ELP2: variants seen among roughly 807,000 people sequenced by gnomAD.
ELP2 encodes elongator complex protein 2.
A neutral mutation model predicts 119.2 loss-of-function variants in ELP2; 90 were observed. The ratio of observed to expected loss-of-function variants is 0.75; its 90% CI spans 0.64 to 0.90. The LOEUF (loss-of-function observed/expected upper bound fraction) is 0.90. ELP2 is among the 40% of genes least tolerant of loss of function. The probability of loss-of-function intolerance (pLI) is 0.00; values close to 1 mark genes in which losing one functional copy is unlikely to be tolerated. For synonymous variants in ELP2, 339 were observed against 331.0 expected (o/e 1.02, Z -0.26); for missense variants, 921 against 967.8 (o/e 0.95, Z 0.64).
intron 11 of ELP2, 103 bp downstream of exon 11, chr18:36,146,484 C>G (rs1785927): frequency 0.34 from 437,532 of 1,282,348 alleles, 78,185 homozygotes; most frequent in Admixed American, 0.38. Flanking sequence ...AGTAGAGGCA[C>G]TTGAAGTTCA....
chr18:36,145,978 T>A lies in ELP2; in HGVS notation c.923T>A (p.Leu308Ter), dbSNP rs761773865. Residue 308 changes from leucine (L) to a stop codon, truncating the protein, a stop_gained, in exon 10 of 22, where the codon TTA (leucine) becomes TAA (stop). Transcript: ENST00000358232. LOFTEE classifies it high-confidence loss of function. ...GTCCTACAGCAGCCAGTGAGATTAT[T>A]ATCTGCTTCCATGGATAAAACCATG... Reference protein sequence around the residue: ...DGVLQQPVRLLSASMDKTMIL... With the variant: ...DGVLQQPVRL 1 of 1,614,038 alleles carries A rather than the reference T, an allele frequency of 6.2e-7. No homozygotes were observed. The highest frequency in any genetic ancestry group is 1.1e-5 in the South Asian group (1 of 91,086).
intron 11 of ELP2, among the ~76,000 whole-genome samples, chr18:36,154,066 CTT>C (rs71166099): frequency 4.7e-4 from 55 of 115,858 alleles, no homozygotes; most frequent in Admixed American, 1.2e-3. Context: ...TTGTCACAGG[CTT>C]TTTTTTTTTT....
chr18:36,138,728 C>G, intron 4 of ELP2, 67 bp from the exon 5 acceptor site: 3 of 1,318,082 alleles, frequency 2.3e-6, no homozygotes, highest in Non-Finnish European at 3.3e-6. Flanking sequence ...ATGATGCTAT[C>G]CAACCTGTCT....
At chr18:36,169,912 C>T in intron 19 of ELP2, 151 bp from the exon 20 acceptor site, 1 of 1,004,690 alleles carries the variant, frequency 1.0e-6, no homozygotes, top group East Asian at 2.5e-5. Context: ...GAAATGCTCT[C>T]AAGTCCTGGC....
intron 21 of ELP2, 146 bp from the exon 22 acceptor site, chr18:36,174,339 A>G: frequency 1.3e-6 from 1 of 792,430 alleles, no homozygotes. Flanking sequence ...ATATAGTAAA[A>G]TATTTTCCAG....
Position 36,141,214 on chromosome 18 carries a change from A to C in ELP2, c.588+13A>C, listed in dbSNP as rs1260673609. ...ACAAAATGATCAGGTAATAATGTTTATATTAAGAGGCTGGAATTATATTCT... is the reference window on the plus strand; with the variant it reads ...ACAAAATGATCAGGTAATAATGTTTCTATTAAGAGGCTGGAATTATATTCT... On this transcript the variant is annotated intron_variant, in intron 6 of 21. Transcript: ENST00000358232. The C allele has an allele frequency of 1.3e-6, 2 of 1,592,136 alleles. No homozygotes were observed. Among genetic ancestry groups the C allele is most frequent in the Middle Eastern group, 1.7e-4 (1 of 6,024 alleles).
chr18:36,173,396 A>G (rs1293209834), intron 21 of ELP2, among the ~76,000 whole-genome samples: 3 of 152,234 alleles, frequency 2.0e-5, no homozygotes, highest in Admixed American at 1.3e-4. Context: ...CTTGCCATTT[A>G]TATCTATTAA....
chr18:36,146,873 ACTGT>A (rs1017644954), intron 11 of ELP2, among the ~76,000 whole-genome samples: 2 of 152,004 alleles, frequency 1.3e-5, no homozygotes, highest in Non-Finnish European at 2.9e-5. Flanking sequence ...TAGTCATGTA[ACTGT>A]CTCTCTACAG....
chr18:36,173,694 A>G (rs1329069407), intron 21 of ELP2, among the ~76,000 whole-genome samples: 2 of 152,214 alleles, frequency 1.3e-5, no homozygotes, highest in African/African-American at 2.4e-5. Context: ...ATCTGGTGAC[A>G]GGGACTGTCA....
In ELP2 at chr18:36,159,802, G is replaced by C; in HGVS notation, c.1602G>C (p.Gln534His). Reference sequence around the variant, plus strand: ...CTAGTACTGGTTTTGAGTATCAGCAGGTGGCCTTTCAGCCCTCCATACTTA... The same window carrying C: ...CTAGTACTGGTTTTGAGTATCAGCACGTGGCCTTTCAGCCCTCCATACTTA... Reference protein sequence around the residue: ...LLTSTGFEYQQVAFQPSILTE... With the variant: ...LLTSTGFEYQHVAFQPSILTE... Residue 534 changes from glutamine to histidine, a missense_variant, in exon 15 of 22, where the codon CAG (glutamine) becomes CAC (histidine). By Grantham distance (24) the Gln-to-His change is conservative. Transcript: ENST00000358232. 6.2e-7 allele frequency: 1 copy of C among 1,614,026 alleles called. No individual in the cohort carries two copies.
rs2091294444 is a variant in ELP2 at position 36,179,674 on chromosome 18, A to G, written c.*5033A>G. The G allele has an allele frequency of 6.6e-6, 1 of 152,222 alleles. No homozygotes were observed. Among genetic ancestry groups the G allele is most frequent in the African/African-American group, 2.4e-5 (1 of 41,442 alleles). 9.4% of individuals were successfully genotyped at this position (152,222 alleles called of 1,614,324 possible). A position where few individuals can be genotyped will look rare whatever the true frequency, so the allele number is the denominator to read the frequency against. On this transcript the variant is annotated 3_prime_UTR_variant, in exon 22 of 22. Transcript: ENST00000358232. ...CCAGACTGTCTCCCGACACAGAGGG[A>G]TGCAAAGGCAGCCTCTTCCTGCTCA...
At chr18:36,138,163 GA>G in intron 3 of ELP2, 106 bp from the exon 4 acceptor site, 4 of 1,124,538 alleles carry the variant, frequency 3.6e-6, no homozygotes, top group Non-Finnish European at 5.2e-6. Flanking sequence ...TTTCAACTTA[GA>G]GGACCTATTT....
chr18:36,144,114 A>C (rs969407357), intron 8 of ELP2, among the ~76,000 whole-genome samples: 3 of 152,032 alleles, frequency 2.0e-5, no homozygotes, highest in Non-Finnish European at 4.4e-5. Flanking sequence ...TTTTGTTACT[A>C]TTCTTGGTGG....
At chr18:36,138,485 G>A (rs1359234733) in intron 4 of ELP2, 59 bp downstream of exon 4, 9 of 1,520,266 alleles carry the variant, frequency 5.9e-6, no homozygotes, top group African/African-American at 4.1e-5. Flanking sequence ...AATGAATGAC[G>A]AGTAGAAGAG....
chr18:36,167,075 G>A (rs1310830911), intron 18 of ELP2, 26 bp from the exon 19 acceptor site: 2 of 1,573,342 alleles, frequency 1.3e-6, no homozygotes, highest in Non-Finnish European at 1.7e-6. Context: ...TCTGCTTTGT[G>A]AATAGTGTAT....
At chr18:36,143,746 A>G (rs1464372687) in intron 8 of ELP2, among the ~76,000 whole-genome samples, 1 of 152,140 alleles carries the variant, frequency 6.6e-6, no homozygotes, top group Non-Finnish European at 1.5e-5. Flanking sequence ...CATTTTTCAT[A>G]TGTGAAATAT....
Position 36,138,828 on chromosome 18 carries a change from G to T in ELP2, c.479G>T (p.Gly160Val), listed in dbSNP as rs774055025. The T allele has an allele frequency of 6.2e-7, 1 of 1,613,886 alleles. No individual in the cohort carries two copies. The highest frequency in any genetic ancestry group is 8.5e-7 in the Non-Finnish European group (1 of 1,179,916). ...CTTCAGACTTTAAACTTTGGAAATG[G>T]ATTTGCTTTGGCTCTCTGCTTATCT... ...MCLQTLNFGN[G>V]FALALCLSFL... Residue 160 changes from glycine (G) to valine (V), a missense_variant, in exon 5 of 22, where the codon GGA becomes GTA. Physicochemically the swap from Gly to Val is moderately radical, Grantham distance 109. Transcript: ENST00000358232.
intron 21 of ELP2, among the ~76,000 whole-genome samples, chr18:36,172,103 A>G (rs1180639689): frequency 6.6e-6 from 1 of 151,444 alleles, no homozygotes; most frequent in East Asian, 1.9e-4. Context: ...GGTCTCTACC[A>G]AAAATAAAAG....
At chr18:36,164,441 T>G (rs1259080114) in intron 17 of ELP2, 34 bp from the exon 18 acceptor site, 1 of 1,576,302 alleles carries the variant, frequency 6.3e-7, no homozygotes, top group Non-Finnish European at 8.7e-7. Flanking sequence ...TTATTTTTAC[T>G]TACTAGCTTC....
Sources: gnomAD v4.1 joint callset for allele counts (sites outside exome capture counted in the v4.1 genomes callset) on GRCh38, gnomAD v4.1.1 for gene constraint, MANE v1.5 for transcripts, NCBI Gene and HGNC (gene_info 2026-07-23, HGNC 2026-07-21) for gene names.